Variants in KCNJ3 observed in about 807,000 individuals in gnomAD.
KCNJ3 encodes the protein potassium inwardly rectifying channel subfamily J member 3.
A neutral mutation model predicts 39.2 loss-of-function variants in KCNJ3; 4 were observed. The ratio of observed to expected loss-of-function variants is 0.10; its 90% confidence interval spans 0.05 to 0.23. The LOEUF (loss-of-function observed/expected upper bound fraction) is 0.23. KCNJ3 is among the 10% of genes least tolerant of loss of function. The probability of loss-of-function intolerance (pLI) is 1.00; values close to 1 mark genes in which losing one functional copy is unlikely to be tolerated. For missense variants in KCNJ3, 276 were observed against 634.9 expected (o/e 0.43, Z 6.08); for synonymous variants, 230 against 237.4 (o/e 0.97, Z 0.29).
chr2:154,725,736 G>A (rs906005324), intron 2 of KCNJ3, among the ~76,000 whole-genome samples: 1 of 152,016 alleles, frequency 6.6e-6, no homozygotes, highest in Non-Finnish European at 1.5e-5. Context: ...AAAACAGCCT[G>A]GTATTGGTAT....
chr2:154,816,917 G>A (rs1687092076), intron 2 of KCNJ3, among the ~76,000 whole-genome samples: 1 of 152,026 alleles, frequency 6.6e-6, no homozygotes, highest in Non-Finnish European at 1.5e-5. Flanking sequence ...ATTAATCATG[G>A]ATATTAGTTT....
chr2:154,783,263 G>A (rs1196753856), intron 2 of KCNJ3, among the ~76,000 whole-genome samples: 5 of 152,150 alleles, frequency 3.3e-5, no homozygotes, highest in Admixed American at 3.3e-4. Flanking sequence ...AATAGAATTG[G>A]AATAATCAAG....
chr2:154,791,821 C>G (rs1686639609), intron 2 of KCNJ3, among the ~76,000 whole-genome samples: 1 of 151,958 alleles, frequency 6.6e-6, no homozygotes, highest in Admixed American at 6.6e-5. Context: ...TAGAATGTGA[C>G]AAGTACACTG....
At chr2:154,848,005 A>C (rs1687689774) in intron 2 of KCNJ3, among the ~76,000 whole-genome samples, 1 of 152,192 alleles carries the variant, frequency 6.6e-6, no homozygotes, top group African/African-American at 2.4e-5. Flanking sequence ...TGATACCAAA[A>C]GGCTTTGTTA....
intron 2 of KCNJ3, among the ~76,000 whole-genome samples, chr2:154,777,537 C>T (rs964108211): frequency 6.6e-6 from 1 of 152,148 alleles, no homozygotes; most frequent in Admixed American, 6.5e-5. Context: ...TCTCCCTCTT[C>T]ATTTCCTGCC....
rs1317707461 is a variant in KCNJ3 at position 154,846,833 on chromosome 2, A to ATATT, written c.920-7892_920-7889dup. ...AGAAACCTTAAGTATTGTATTTGAAATATTTGTTTCTAAAATTCTTATTGA... is the reference window on the plus strand; with the variant it reads ...AGAAACCTTAAGTATTGTATTTGAAATATTTATTTGTTTCTAAAATTCTTATTGA... On this transcript the variant is annotated intron_variant, in intron 2 of 2. Coordinates refer to ENST00000295101, the MANE Select transcript of KCNJ3 (RefSeq NM_002239.4). Among the ~76,000 whole-genome samples, 8 of 152,184 alleles carry ATATT rather than the reference A, an allele frequency of 5.3e-5. No individual in the cohort carries two copies. In the East Asian group the frequency reaches 1.5e-3, roughly 29 times the overall value.
chr2:154,726,792 TACATACAC>T (rs1685364988), intron 2 of KCNJ3, among the ~76,000 whole-genome samples: 1 of 101,316 alleles, frequency 9.9e-6, no homozygotes, highest in African/African-American at 4.2e-5. Flanking sequence ...ACATTTTATA[TACATACAC>T]ACACACACAC....
At chr2:154,748,840 A>G (rs939657169) in intron 2 of KCNJ3, among the ~76,000 whole-genome samples, 8 of 152,140 alleles carry the variant, frequency 5.3e-5, no homozygotes, top group Non-Finnish European at 7.4e-5. Flanking sequence ...GAGATCAGAC[A>G]TTTGGTAAAT....
chr2:154,846,435 A>T (rs920785584), intron 2 of KCNJ3, among the ~76,000 whole-genome samples: 1 of 152,180 alleles, frequency 6.6e-6, no homozygotes, highest in African/African-American at 2.4e-5. Flanking sequence ...CTAATATAGT[A>T]GGCCCATAAA....
intron 2 of KCNJ3, among the ~76,000 whole-genome samples, chr2:154,727,616 A>G (rs1484839732): frequency 6.7e-6 from 1 of 149,770 alleles, no homozygotes; most frequent in African/African-American, 2.5e-5. Flanking sequence ...AAAAAGAGAG[A>G]AAAAGAGTAT....
At position 154,726,796 on chromosome 2, in the gene KCNJ3, T is replaced by TACACACACACAC. The variant is rs58366846; in HGVS notation, c.919+17005_919+17016dup. Among the ~76,000 whole-genome samples the TACACACACACAC allele has an allele frequency of 2.3e-3, 266 of 115,446 alleles. 2 individuals are homozygous for TACACACACACAC. The highest frequency in any genetic ancestry group is 7.1e-3 in the African/African-American group (229 of 32,436). 75.7% of individuals were successfully genotyped at this position (115,446 alleles called of 152,430 possible). A position where few individuals can be genotyped will look rare whatever the true frequency, so the allele number is the denominator to read the frequency against. ...CACACACACATACATTTTATATACATACACACACACACACACACACACACA... is the reference window on the plus strand; with the variant it reads ...CACACACACATACATTTTATATACATACACACACACACACACACACACACACACACACACACA... On this transcript the variant is annotated intron_variant, in intron 2 of 2. Transcript: ENST00000295101.
At chr2:154,715,292 G>A (rs1465580546) in intron 2 of KCNJ3, among the ~76,000 whole-genome samples, 4 of 152,062 alleles carry the variant, frequency 2.6e-5, no homozygotes, top group African/African-American at 7.2e-5. Flanking sequence ...TGATATACTC[G>A]TACTCAAAGC....
chr2:154,816,440 A>G (rs1687084475), intron 2 of KCNJ3, among the ~76,000 whole-genome samples: 1 of 152,156 alleles, frequency 6.6e-6, no homozygotes, highest in South Asian at 2.1e-4. Flanking sequence ...AATGCCTGCT[A>G]TGTCACGTAG....
chr2:154,792,896 G>A (rs1333762425), intron 2 of KCNJ3, among the ~76,000 whole-genome samples: 1 of 152,070 alleles, frequency 6.6e-6, no homozygotes, highest in Non-Finnish European at 1.5e-5. Context: ...GACCATGGAG[G>A]TAGGAGAAAG....
In KCNJ3 at chr2:154,769,171, C is replaced by G. The variant is rs567904381; in HGVS notation, c.919+59352C>G. 3.3e-3 allele frequency among the ~76,000 whole-genome samples: 496 copies of G among 152,156 alleles called. 2 individuals carry two copies. Among genetic ancestry groups the G allele is most frequent in the Non-Finnish European group, 5.9e-3 (398 of 68,024 alleles). ...ACTTCCTCTTTTCCTAATTGAATAC[C>G]CTTTATTTCTTTCTCCTGCCTAATT... On this transcript the variant is annotated intron_variant, in intron 2 of 2. Transcript: ENST00000295101.
At chr2:154,756,755 T>C (rs969396686) in intron 2 of KCNJ3, among the ~76,000 whole-genome samples, 2 of 152,090 alleles carry the variant, frequency 1.3e-5, no homozygotes, top group African/African-American at 4.8e-5. Flanking sequence ...GAACTTAAAG[T>C]ATAATAAAAA....
chr2:154,720,223 T>G (rs975661441), intron 2 of KCNJ3, among the ~76,000 whole-genome samples: 3 of 152,008 alleles, frequency 2.0e-5, no homozygotes, highest in Non-Finnish European at 4.4e-5. Context: ...AATTCTTTGT[T>G]GTCCAGGGGT....
At chr2:154,843,345 C>T (rs944172991) in intron 2 of KCNJ3, among the ~76,000 whole-genome samples, 3 of 152,132 alleles carry the variant, frequency 2.0e-5, no homozygotes, top group African/African-American at 7.2e-5. Flanking sequence ...GGTAACTCAA[C>T]CTTTCTCTCT....
At chr2:154,776,840 T>C (rs1449360498) in intron 2 of KCNJ3, among the ~76,000 whole-genome samples, 3 of 152,076 alleles carry the variant, frequency 2.0e-5, no homozygotes, top group African/African-American at 7.3e-5. Context: ...TTTACATTTC[T>C]TCGCAATCCA....
Sources: allele counts gnomAD v4.1 joint callset (sites outside exome capture counted in the v4.1 genomes callset), GRCh38; gene constraint gnomAD v4.1.1; transcripts MANE v1.5; gene names NCBI Gene and HGNC (gene_info 2026-07-23, HGNC 2026-07-21).